Variants in MANEA observed in about 807,000 individuals in gnomAD.
The protein encoded by MANEA is glycoprotein endo-alpha-1,2-mannosidase.
Under a neutral mutation model 36.8 loss-of-function variants are expected in MANEA, and 25 were observed. The ratio of observed to expected loss-of-function variants is 0.68; its 90% CI spans 0.50 to 0.95. MANEA has a LOEUF of 0.95. Among genes scored for constraint, MANEA ranks in the 40% least tolerant of loss-of-function variants. The probability of loss-of-function intolerance (pLI) is 0.00; values close to 1 mark genes in which losing one functional copy is unlikely to be tolerated. For missense variants in MANEA, 565 were observed against 558.8 expected (o/e 1.01, Z -0.11); for synonymous variants, 198 against 188.5 (o/e 1.05, Z -0.41).
At chr6:95,588,346 T>A (rs1769326659) in intron 2 of MANEA, 1 of 152,126 alleles carries the variant, frequency 6.6e-6, no homozygotes, top group Non-Finnish European at 1.5e-5. Context: ...TCTATGAATC[T>A]ATATCAGATA....
At chr6:95,587,899 A>G (rs555571103) in intron 2 of MANEA, among the ~76,000 whole-genome samples, 53 of 151,506 alleles carry the variant, frequency 3.5e-4, no homozygotes, top group Non-Finnish European at 5.2e-4. Context: ...TACATTACAT[A>G]TGCGTATTAT....
Position 95,586,627 on chromosome 6 carries a change from A to C in MANEA, c.188A>C (p.Lys63Thr). Residue 63 changes from lysine to threonine, a missense_variant, in exon 2 of 5, where the codon AAG becomes ACG. Physicochemically the swap from Lys to Thr is moderately conservative, Grantham distance 78 (BLOSUM62 -1). Transcript: ENST00000358812. ...IHLGKNFDFQ[K>T]SDRINSETNT... Reference sequence around the variant, plus strand: ...TTGGGGAAAAATTTTGATTTCCAAAAGAGTGACAGAATCAACAGTGAAACA... The same window carrying C: ...TTGGGGAAAAATTTTGATTTCCAAACGAGTGACAGAATCAACAGTGAAACA... The C allele has an allele frequency of 6.2e-7, 1 of 1,614,114 alleles. No individual in the cohort carries two copies. Among genetic ancestry groups the C allele is most frequent in the Non-Finnish European group, 8.5e-7 (1 of 1,180,008 alleles).
rs762074058 is a variant in MANEA, at chr6:95,586,972, C to G, written c.533C>G (p.Ser178Ter). Residue 178 changes from serine to a stop codon, truncating the protein, a stop_gained, in exon 2 of 5, where the codon TCA (serine) becomes TGA (stop). Transcript: ENST00000358812. LOFTEE classifies it high-confidence loss of function. The part of the protein sequence containing the change: ...VIETHMRQMR[S>*]ASIGVLALSW... ...GAAACTCACATGAGACAAATGCGCT[C>G]AGCTTCAATTGGTAATTATTGTATA... 3 of 1,590,280 alleles carry G rather than the reference C, an allele frequency of 1.9e-6. No homozygotes were observed. The highest frequency in any genetic ancestry group is 2.6e-6 in the Non-Finnish European group (3 of 1,160,952).
rs1044242694 is a variant in MANEA at position 95,608,041 on chromosome 6, A to G, written c.*1636A>G. On this transcript the variant is annotated 3_prime_UTR_variant, in exon 5 of 5. Transcript: ENST00000358812. ...TTTGGAATTTGCCATTTCTCAGAGA[A>G]TGATCAGGCCTTAGGAAATTAATAC... is the stretch of plus-strand genomic sequence containing the variant. 6 of 151,740 alleles carry G rather than the reference A, an allele frequency of 4.0e-5. No individual in the cohort carries two copies. The highest frequency in any genetic ancestry group is 8.9e-5 in the Non-Finnish European group (6 of 67,758). 9.4% of individuals were successfully genotyped at this position (151,740 alleles called of 1,614,324 possible). A position where few individuals can be genotyped will look rare whatever the true frequency, so the allele number is the denominator to read the frequency against.
rs1769760419 is a variant in MANEA, at chr6:95,608,580, A to G, written c.*2175A>G. On this transcript the variant is annotated 3_prime_UTR_variant, in exon 5 of 5. Coordinates refer to ENST00000358812, the MANE Select transcript of MANEA (RefSeq NM_024641.4). The stretch of plus-strand genomic sequence containing the variant: ...TAAAGCAGATTCTGTCTTCATTGCA[A>G]AAAGTTATTCTCAATGGAAGAATGG... The G allele has an allele frequency of 6.6e-6, 1 of 151,828 alleles. No homozygotes were observed. Among genetic ancestry groups the G allele is most frequent in the South Asian group, 2.1e-4 (1 of 4,834 alleles). The allele number at this position is 151,828 out of a possible 1,614,324, so 9.4% of individuals were successfully genotyped here. A position where few individuals can be genotyped will look rare whatever the true frequency, so the allele number is the denominator to read the frequency against.
chr6:95,599,426 A>T (rs2127943852), intron 3 of MANEA, among the ~76,000 whole-genome samples: 1 of 152,170 alleles, frequency 6.6e-6, no homozygotes, highest in South Asian at 2.1e-4. Flanking sequence ...CAAAAAAAAA[A>T]AAAAAAGTGA....
intron 3 of MANEA, 72 bp from the exon 4 acceptor site, chr6:95,604,755 A>T (rs950103038): frequency 1.7e-6 from 1 of 601,708 alleles, no homozygotes; most frequent in Non-Finnish European, 2.8e-6. Flanking sequence ...ACTTTATTAA[A>T]TATATTAAGT....
chr6:95,589,912 T>C (rs1248805902), intron 2 of MANEA: 1 of 152,138 alleles, frequency 6.6e-6, no homozygotes. Flanking sequence ...GCTAATCTAG[T>C]CACATAAGTC....
intron 1 of MANEA, among the ~76,000 whole-genome samples, chr6:95,582,428 C>T (rs1769200711): frequency 6.6e-6 from 1 of 152,122 alleles, no homozygotes. Flanking sequence ...CGTGATCTGC[C>T]TGCCTCAGCC....
chr6:95,579,331 C>G (rs1769136885), intron 1 of MANEA, among the ~76,000 whole-genome samples: 1 of 152,150 alleles, frequency 6.6e-6, no homozygotes. Context: ...CAAGATGGCG[C>G]CACTGCACTT....
intron 2 of MANEA, among the ~76,000 whole-genome samples, chr6:95,588,428 ATAGT>A (rs1011385511): frequency 1.2e-4 from 19 of 152,016 alleles, no homozygotes; most frequent in African/African-American, 4.3e-4. Flanking sequence ...ACTTTATAGT[ATAGT>A]TAGAGATTTA....
At position 95,604,904 on chromosome 6, in the gene MANEA, G is replaced by A. The variant is rs762734971; in HGVS notation, c.731+1G>A. ...AAAATGTCAAGTATATTATAGACAA[G>A]TGAGTTTCTTCAATATTTATAAATA... is the stretch of plus-strand genomic sequence containing the variant. On this transcript the variant is annotated splice_donor_variant, in intron 4 of 4. Coordinates refer to ENST00000358812, the MANE Select transcript of MANEA (RefSeq NM_024641.4). LOFTEE classifies it high-confidence loss of function. The A allele has an allele frequency of 1.6e-6, 2 of 1,238,008 alleles. No individual in the cohort carries two copies. Among genetic ancestry groups the A allele is most frequent in the East Asian group, 2.6e-5 (1 of 37,748 alleles). The allele number at this position is 1,238,008 out of a possible 1,614,324, so 76.7% of individuals were successfully genotyped here. A position where few individuals can be genotyped will look rare whatever the true frequency, so the allele number is the denominator to read the frequency against.
chr6:95,601,032 A>C (rs1163984273), intron 3 of MANEA, among the ~76,000 whole-genome samples: 1 of 152,242 alleles, frequency 6.6e-6, no homozygotes, highest in Non-Finnish European at 1.5e-5. Flanking sequence ...TATCTTTAGC[A>C]AATGTGACTA....
At chr6:95,596,085 G>C (rs1210493335) in intron 2 of MANEA, among the ~76,000 whole-genome samples, 1 of 152,124 alleles carries the variant, frequency 6.6e-6, no homozygotes. Flanking sequence ...AATGAAGCCA[G>C]TTCTAAAAAG....
At position 95,605,612 on chromosome 6, in the gene MANEA, TAC is replaced by T. The variant is rs371706498; in HGVS notation, c.732-132_732-131del. On this transcript the variant is annotated intron_variant, in intron 4 of 4. Coordinates refer to ENST00000358812, the MANE Select transcript of MANEA (RefSeq NM_024641.4). ...AAAATGCATTTTTAATTATTACACT[TAC>T]ACAACTGATTCCCCTAAGAAATGGA... 2.2e-4 allele frequency: 139 copies of T among 626,868 alleles called. 1 individual carries two copies. In the South Asian group the frequency reaches 2.4e-3, roughly 11 times the overall value. 38.8% of individuals were successfully genotyped at this position (626,868 alleles called of 1,614,324 possible). A position where few individuals can be genotyped will look rare whatever the true frequency, so the allele number is the denominator to read the frequency against.
In MANEA at chr6:95,596,741, A is replaced by T; in HGVS notation, c.549A>T (p.Val183=). ...CTTTTTGGTCTTTTCTATTAGGTGTACTAGCCCTCTCTTGGTACCCACCTG... is the reference window on the plus strand; with the variant it reads ...CTTTTTGGTCTTTTCTATTAGGTGTTCTAGCCCTCTCTTGGTACCCACCTG... ...MRQMRSASIG[V]LALSWYPPDV... Residue 183 remains valine (V), a synonymous_variant, in exon 3 of 5, where the codon GTA becomes GTT. Transcript: ENST00000358812. 1 of 1,559,462 alleles carries T rather than the reference A, an allele frequency of 6.4e-7. No homozygotes were observed. Among genetic ancestry groups the T allele is most frequent in the Non-Finnish European group, 8.8e-7 (1 of 1,130,842 alleles).
At chr6:95,591,240 T>A (rs1412090002) in intron 2 of MANEA, among the ~76,000 whole-genome samples, 2 of 152,208 alleles carry the variant, frequency 1.3e-5, no homozygotes, top group East Asian at 3.8e-4. Context: ...TCTTAAAAAT[T>A]TCTTTTATCT....
chr6:95,601,716 ATTTTTTTTTTTTTTTTTTT>A (rs67335804), intron 3 of MANEA, among the ~76,000 whole-genome samples: 1 of 64,968 alleles, frequency 1.5e-5, no homozygotes, highest in Non-Finnish European at 2.7e-5. Context: ...AGATTCAGTG[ATTTTTTTTTTTTTTTTTTT>A]TTTTTTTTTG....
intron 1 of MANEA, among the ~76,000 whole-genome samples, chr6:95,581,913 T>G (rs544454304): frequency 1.3e-5 from 2 of 152,246 alleles, no homozygotes; most frequent in East Asian, 3.9e-4. Flanking sequence ...GAAAACAGAG[T>G]AAGAAAATAT....
Sources: gnomAD v4.1 joint callset for allele counts (sites outside exome capture counted in the v4.1 genomes callset) on GRCh38, gnomAD v4.1.1 for gene constraint, MANE v1.5 for transcripts, NCBI Gene and HGNC (gene_info 2026-07-23, HGNC 2026-07-21) for gene names.